The following ALCAM variants were observed in gnomAD, a reference collection of about 807,000 sequenced individuals.
ALCAM encodes CD166 antigen.
Under a neutral mutation model 70.9 loss-of-function variants are expected in ALCAM, and 30 were observed. The observed-to-expected ratio is 0.42, with a 90% confidence interval of 0.32 to 0.57. ALCAM has a LOEUF of 0.57. Among genes scored for constraint, ALCAM ranks in the 20% least tolerant of loss-of-function variants. ALCAM has a pLI of 0.11. For missense variants in ALCAM, 591 were observed against 695.1 expected, an observed-to-expected ratio of 0.85 and a Z score of 1.68; for synonymous variants, 249 against 242.5, an observed-to-expected ratio of 1.03 and a Z score of -0.25.
At chr3:105,544,744 T>C (rs938470923) in intron 8 of ALCAM, 1 of 164,148 alleles carries the variant, frequency 6.1e-6, no homozygotes, top group African/African-American at 2.4e-5. Context: ...TTTAAAAATA[T>C]CTGCTGCTAT....
intron 1 of ALCAM, among the ~76,000 whole-genome samples, chr3:105,473,219 T>G (rs1291416252): frequency 6.6e-6 from 1 of 151,614 alleles, no homozygotes; most frequent in Non-Finnish European, 1.5e-5. Flanking sequence ...AGTTCAAGCA[T>G]GTTTAACCAA....
chr3:105,563,333 T>A (rs1174699371), intron 14 of ALCAM, among the ~76,000 whole-genome samples: 1 of 148,982 alleles, frequency 6.7e-6, no homozygotes, highest in Non-Finnish European at 1.5e-5. Flanking sequence ...CTTTATAGGG[T>A]GTTATCAATT....
intron 1 of ALCAM, among the ~76,000 whole-genome samples, chr3:105,463,605 G>C (rs1937636289): frequency 6.6e-6 from 1 of 151,504 alleles, no homozygotes; most frequent in African/African-American, 2.4e-5. Context: ...TTATTCAATG[G>C]ATACCACCTG....
chr3:105,429,027 C>T (rs1170639800), intron 1 of ALCAM, among the ~76,000 whole-genome samples: 2 of 151,876 alleles, frequency 1.3e-5, no homozygotes, highest in East Asian at 3.9e-4. Context: ...CATTATAAAA[C>T]CTATGGTCAG....
intron 9 of ALCAM, among the ~76,000 whole-genome samples, chr3:105,546,446 C>T (rs1176352009): frequency 6.6e-6 from 1 of 151,430 alleles, no homozygotes; most frequent in East Asian, 1.9e-4. Flanking sequence ...GCCACAGCCT[C>T]ATCACAACTT....
intron 8 of ALCAM, among the ~76,000 whole-genome samples, chr3:105,544,368 A>G (rs1276895044): frequency 6.6e-6 from 1 of 150,496 alleles, no homozygotes; most frequent in African/African-American, 2.5e-5. Context: ...CAAAGCCTTT[A>G]TTACTGCTTT....
intron 1 of ALCAM, among the ~76,000 whole-genome samples, chr3:105,468,863 G>C (rs962317411): frequency 1.3e-5 from 2 of 151,172 alleles, no homozygotes; most frequent in African/African-American, 4.8e-5. Context: ...AACTTTATTT[G>C]ATTTTTATTT....
intron 14 of ALCAM, among the ~76,000 whole-genome samples, chr3:105,566,829 A>G (rs1346431005): frequency 6.6e-6 from 1 of 152,146 alleles, no homozygotes; most frequent in Non-Finnish European, 1.5e-5. Flanking sequence ...CTTTTAAAAT[A>G]TTTTACATAT....
intron 3 of ALCAM, among the ~76,000 whole-genome samples, chr3:105,528,756 A>T (rs1476937026): frequency 6.6e-6 from 1 of 152,148 alleles, no homozygotes; most frequent in East Asian, 1.9e-4. Flanking sequence ...AGAGGGAGAG[A>T]ATCAGGAAAA....
intron 14 of ALCAM, among the ~76,000 whole-genome samples, chr3:105,554,936 G>T (rs1008463605): frequency 2.8e-4 from 41 of 145,808 alleles, no homozygotes; most frequent in African/African-American, 1.0e-3. Context: ...TTGAAAATTA[G>T]CTGGAAAAAA....
chr3:105,524,068 A>T (rs957624994), intron 2 of ALCAM, among the ~76,000 whole-genome samples: 2 of 152,138 alleles, frequency 1.3e-5, no homozygotes, highest in Non-Finnish European at 2.9e-5. Flanking sequence ...AAAAAATCTG[A>T]TTCCTAGAGC....
chr3:105,567,248 G>A (rs183814222), intron 14 of ALCAM, among the ~76,000 whole-genome samples: 117 of 152,086 alleles, frequency 7.7e-4, no homozygotes, highest in Admixed American at 1.2e-3. Flanking sequence ...TCCTCCTTCC[G>A]GACTTCTGAG....
In ALCAM at chr3:105,534,573, A is replaced by AAAC; in HGVS notation, c.548-88_548-86dup. 4 of 1,308,190 alleles carry AAAC rather than the reference A, an allele frequency of 3.1e-6. No homozygotes were observed. The South Asian group carries it at 4.8e-5, about 16-fold the overall frequency. 81.0% of individuals were successfully genotyped at this position (1,308,190 alleles called of 1,614,324 possible). On this transcript the variant is annotated intron_variant, in intron 5 of 15. Transcript: ENST00000306107. The stretch of plus-strand genomic sequence containing the variant: ...TGCTGAATACAGTTAGAAGGAAAAA[A>AAAC]AACACTTCTCAAAGGTGTGGTGCTG...
At chr3:105,413,057 A>G (rs549264840) in intron 1 of ALCAM, among the ~76,000 whole-genome samples, 2 of 152,220 alleles carry the variant, frequency 1.3e-5, no homozygotes, top group South Asian at 4.1e-4. Flanking sequence ...ATATCTTGCC[A>G]TTCAGGTAGA....
intron 14 of ALCAM, among the ~76,000 whole-genome samples, chr3:105,554,401 T>C (rs912265392): frequency 6.6e-6 from 1 of 151,888 alleles, no homozygotes; most frequent in African/African-American, 2.4e-5. Flanking sequence ...ATTCATATCT[T>C]CACTGATTAA....
At chr3:105,446,077 G>T (rs1298819186) in intron 1 of ALCAM, among the ~76,000 whole-genome samples, 1 of 152,118 alleles carries the variant, frequency 6.6e-6, no homozygotes, top group Non-Finnish European at 1.5e-5. Context: ...TGAAAACTAT[G>T]CATCTGACAA....
At chr3:105,474,643 A>G (rs1007783239) in intron 1 of ALCAM, among the ~76,000 whole-genome samples, 6 of 151,780 alleles carry the variant, frequency 4.0e-5, no homozygotes, top group Admixed American at 2.6e-4. Context: ...AAGCTTTATT[A>G]TCATTTTACA....
chr3:105,466,063 A>T (rs893358324), intron 1 of ALCAM, among the ~76,000 whole-genome samples: 3 of 151,474 alleles, frequency 2.0e-5, no homozygotes, highest in African/African-American at 7.3e-5. Flanking sequence ...TTTCTATTTT[A>T]AAAATATCTA....
chr3:105,568,026 C>A lies in ALCAM; in HGVS notation c.1665-3826C>A, dbSNP rs531076098. 1.4e-4 allele frequency among the ~76,000 whole-genome samples: 21 copies of A among 146,168 alleles called. No individual in the cohort carries two copies. The East Asian group carries it at 4.0e-3, about 28-fold the overall frequency. The stretch of plus-strand genomic sequence containing the variant: ...TCTGTCTTAGGATGAATGTCTAGTT[C>A]TTTTATTTTATTTTTTTTATTATTT... On this transcript the variant is annotated intron_variant, in intron 14 of 15. Transcript: ENST00000306107.
Sources: allele counts gnomAD v4.1 joint callset (sites outside exome capture counted in the v4.1 genomes callset), GRCh38; gene constraint gnomAD v4.1.1; transcripts MANE v1.5; gene names NCBI Gene and HGNC (gene_info 2026-07-23, HGNC 2026-07-21).